INPP4A: variants seen among roughly 807,000 people sequenced by gnomAD.
The protein encoded by INPP4A is inositol polyphosphate-4-phosphatase type I A.
Under a neutral mutation model 119.8 loss-of-function variants are expected in INPP4A, and 33 were observed. That is an observed-to-expected ratio of 0.28 (90% CI 0.21 to 0.37). The LOEUF (loss-of-function observed/expected upper bound fraction) is 0.37. INPP4A is among the 10% of genes least tolerant of loss of function. The pLI is 1.00. For missense variants in INPP4A, 956 were observed against 1,289.9 expected, an observed-to-expected ratio of 0.74 and a Z score of 3.97; for synonymous variants, 496 against 500.7, an observed-to-expected ratio of 0.99 and a Z score of 0.12.
At chr2:98,539,386 G>T (rs989950809) in intron 9 of INPP4A, 142 bp from the exon 10 acceptor site, 4 of 886,486 alleles carry the variant, frequency 4.5e-6, no homozygotes, top group South Asian at 3.8e-5. Context: ...TGGGTTTTCG[G>T]TGTAAGCGTT....
chr2:98,510,735 C>T (rs2105534249), intron 1 of INPP4A, among the ~76,000 whole-genome samples: 1 of 152,312 alleles, frequency 6.6e-6, no homozygotes, highest in African/African-American at 2.4e-5. Context: ...TTCTGGGGGA[C>T]ACATTCAGAC....
chr2:98,475,394 G>A lies in INPP4A; in HGVS notation c.-166+30309G>A, dbSNP rs145142024. On this transcript the variant is annotated intron_variant, in intron 1 of 24. Coordinates refer to ENST00000409851, the MANE Select transcript of INPP4A (RefSeq NM_001134225.2). ...GAGAGACCTCTAAAACCCCATGGGC[G>A]GTGTTTCAAGTTCTGAGGTCATCTT... is the stretch of plus-strand genomic sequence containing the variant. Among the ~76,000 whole-genome samples, 30 of 152,206 alleles carry A rather than the reference G, an allele frequency of 2.0e-4. No individual in the cohort carries two copies. The East Asian group carries it at 5.0e-3, about 25-fold the overall frequency.
chr2:98,472,656 C>T (rs3769736), intron 1 of INPP4A, among the ~76,000 whole-genome samples: 36,975 of 152,250 alleles, frequency 0.24, 4,648 homozygotes, highest in Middle Eastern at 0.35. Flanking sequence ...GCCCAGGGCT[C>T]ACTGAGGGTC....
chr2:98,505,900 C>A (rs1558965249), intron 1 of INPP4A, among the ~76,000 whole-genome samples: 2 of 152,166 alleles, frequency 1.3e-5, no homozygotes, highest in Non-Finnish European at 2.9e-5. Context: ...GTCTGTTTAT[C>A]CTGTTCACAA....
chr2:98,565,919 T>C, intron 20 of INPP4A, 110 bp from the exon 21 acceptor site: 1 of 1,495,956 alleles, frequency 6.7e-7, no homozygotes, highest in South Asian at 1.3e-5. Context: ...CTTAAAGGTC[T>C]GTGGTTGGCA....
At chr2:98,458,428 C>G (rs1012438047) in intron 1 of INPP4A, among the ~76,000 whole-genome samples, 1 of 152,158 alleles carries the variant, frequency 6.6e-6, no homozygotes, top group African/African-American at 2.4e-5. Flanking sequence ...GAACACAACA[C>G]GTTTCCTGGT....
intron 13 of INPP4A, among the ~76,000 whole-genome samples, chr2:98,550,941 G>A (rs529732432): frequency 6.6e-6 from 1 of 152,054 alleles, no homozygotes; most frequent in East Asian, 1.9e-4. Context: ...TGGGGGCCTG[G>A]GAAGAATCCT....
rs1453170311 is a variant in INPP4A at position 98,554,909 on chromosome 2, G to A, written c.1566+420G>A. Among the ~76,000 whole-genome samples, 2 of 152,228 alleles carry A rather than the reference G, an allele frequency of 1.3e-5. No individual in the cohort carries two copies. Among genetic ancestry groups the A allele is most frequent in the African/African-American group, 2.4e-5 (1 of 41,446 alleles). ...TCTGGTGCTGGGGCAAGTAGATATG[G>A]ATTTTGGAGCTGCCGCCCTGACATT... On this transcript the variant is annotated intron_variant, in intron 15 of 24. Coordinates refer to ENST00000409851, the MANE Select transcript of INPP4A (RefSeq NM_001134225.2). This position sits in a 1 kb window ranked among gnomAD's most constrained non-coding sequence, Gnocchi z 4.7.
intron 22 of INPP4A, among the ~76,000 whole-genome samples, chr2:98,571,611 C>G (rs1697466748): frequency 6.6e-6 from 1 of 152,250 alleles, no homozygotes; most frequent in Non-Finnish European, 1.5e-5. Flanking sequence ...AACTAGTCGA[C>G]TGGACCATGA....
At chr2:98,547,913 G>T (rs1322237935) in intron 13 of INPP4A, among the ~76,000 whole-genome samples, 1 of 152,148 alleles carries the variant, frequency 6.6e-6, no homozygotes, top group African/African-American at 2.4e-5. Context: ...GGGAAGGTGA[G>T]CAAAGGCCCA....
intron 24 of INPP4A, 46 bp from the exon 25 acceptor site, chr2:98,587,430 T>C: frequency 6.6e-7 from 1 of 1,520,532 alleles, no homozygotes; most frequent in Non-Finnish European, 8.8e-7. Flanking sequence ...TCTTTTCTTT[T>C]TTCCTTTTTT....
At chr2:98,563,741 G>T (rs1486419759) in intron 18 of INPP4A, 104 bp downstream of exon 18, 2 of 1,139,348 alleles carry the variant, frequency 1.8e-6, no homozygotes, top group South Asian at 1.4e-5. Context: ...AAAGACCCCA[G>T]ATGGCCATAT....
intron 1 of INPP4A, among the ~76,000 whole-genome samples, chr2:98,497,366 A>G (rs1205673772): frequency 6.6e-6 from 1 of 152,186 alleles, no homozygotes; most frequent in African/African-American, 2.4e-5. Context: ...CCCCACACAG[A>G]GTTCCTATGG....
At chr2:98,561,694 G>A (rs190171308) in intron 17 of INPP4A, among the ~76,000 whole-genome samples, 1 of 152,282 alleles carries the variant, frequency 6.6e-6, no homozygotes. Flanking sequence ...AAGACCAGTT[G>A]TATATTTTGA....
intron 1 of INPP4A, among the ~76,000 whole-genome samples, chr2:98,464,792 A>C (rs1674403411): frequency 1.3e-5 from 2 of 152,176 alleles, no homozygotes. Flanking sequence ...TGAATGTTGA[A>C]GACAAGGCCT....
At position 98,481,848 on chromosome 2, in the gene INPP4A, G is replaced by A. The variant is rs76923121; in HGVS notation, c.-166+36763G>A. 6.6e-4 allele frequency among the ~76,000 whole-genome samples: 101 copies of A among 152,314 alleles called. 2 individuals are homozygous for A. The East Asian group carries it at 0.01, about 15-fold the overall frequency. Reference sequence around the variant, plus strand: ...TGCTCCCTGTCCACGCACCACCTCTGGCTGGGCTTTCCGTTCTCTAGTGAA... The same window carrying A: ...TGCTCCCTGTCCACGCACCACCTCTAGCTGGGCTTTCCGTTCTCTAGTGAA... On this transcript the variant is annotated intron_variant, in intron 1 of 24. Coordinates refer to ENST00000409851, the MANE Select transcript of INPP4A (RefSeq NM_001134225.2).
chr2:98,543,467 A>G (rs546338337), intron 10 of INPP4A, among the ~76,000 whole-genome samples: 1 of 152,300 alleles, frequency 6.6e-6, no homozygotes, highest in African/African-American at 2.4e-5. Context: ...CACAGCCTGC[A>G]GTCCTCTCTG....
At chr2:98,485,289 T>C (rs146446931) in intron 1 of INPP4A, among the ~76,000 whole-genome samples, 9 of 152,334 alleles carry the variant, frequency 5.9e-5, no homozygotes, top group African/African-American at 2.2e-4. Context: ...GGTTGCAGCG[T>C]GAAATATGTT....
chr2:98,463,838 C>T (rs947136281), intron 1 of INPP4A, among the ~76,000 whole-genome samples: 6 of 152,084 alleles, frequency 3.9e-5, no homozygotes, highest in Non-Finnish European at 7.4e-5. Flanking sequence ...CTGCTGCATG[C>T]GGTGCCAGGG....
Sources: gnomAD v4.1 joint callset for allele counts (sites outside exome capture counted in the v4.1 genomes callset) on GRCh38, gnomAD v4.1.1 for gene constraint, Gnocchi (gnomAD v3.1) non-coding constraint, MANE v1.5 for transcripts, NCBI Gene and HGNC (gene_info 2026-07-23, HGNC 2026-07-21) for gene names.